TDRKH: variants seen among roughly 807,000 people sequenced by gnomAD.
TDRKH encodes tudor and KH domain-containing protein.
Under a neutral mutation model 61.3 loss-of-function variants are expected in TDRKH, and 28 were observed. The ratio of observed to expected loss-of-function variants is 0.46; its 90% CI spans 0.34 to 0.63. TDRKH has a LOEUF of 0.63. Among genes scored for constraint, TDRKH ranks in the 20% least tolerant of loss-of-function variants. The pLI, the probability that TDRKH is intolerant of heterozygous loss-of-function variation, is 0.01. For synonymous variants in TDRKH, 219 were observed against 244.4 expected, an observed-to-expected ratio of 0.90 and a Z score of 0.97; for missense variants, 540 against 683.4, an observed-to-expected ratio of 0.79 and a Z score of 2.34.
At chr1:151,773,049 T>C (rs139498529), downstream of TDRKH, among the ~76,000 whole-genome samples, 926 of 149,426 alleles carry the variant, frequency 6.2e-3, 8 homozygotes, top group African/African-American at 0.022. Context: ...TTTTGTATTT[T>C]TGTATTTTTT....
At position 151,774,492 on chromosome 1, in the gene TDRKH, A is replaced by G. The variant is rs773024532; in HGVS notation, c.1646T>C (p.Met549Thr). ...ATCTTCAAGGTTATCATCACCAGAC[A>G]TGGAAGCAGCTTCTATTGAAGATAA... Reference protein sequence around the residue: ...SCLSLSEAASMSGDDNLEDDY... With the variant: ...SCLSLSEAASTSGDDNLEDDY... Residue 549 changes from methionine to threonine, a missense_variant, in exon 13 of 13, where the codon ATG becomes ACG. Coordinates refer to ENST00000368824, the MANE Select transcript of TDRKH (RefSeq NM_001083965.2). 1 of 1,614,178 alleles carries G rather than the reference A, an allele frequency of 6.2e-7. No homozygotes were observed. The highest frequency in any genetic ancestry group is 8.5e-7 in the Non-Finnish European group (1 of 1,180,024).
chr1:151,767,479 T>C (rs1003136332), downstream of TDRKH: 9 of 1,275,352 alleles, frequency 7.1e-6, no homozygotes, highest in Admixed American at 1.6e-4. Flanking sequence ...AAAATCAAGG[T>C]CATACAGATG....
downstream of TDRKH, chr1:151,768,202 T>C (rs1475329785): frequency 6.2e-7 from 1 of 1,613,488 alleles, no homozygotes. Flanking sequence ...GGATATCCCA[T>C]ATCAGGCCTT....
Position 151,776,105 on chromosome 1 carries a change from C to G in TDRKH, c.1208G>C (p.Arg403Thr), listed in dbSNP as rs766579094. ...DNGDCPLKDL[R>T]ALRSDFLSLP... ...TGACCTCAGCACTGACCTGAGAGCC[C>G]TGAGGTCCTTCAGTGGGCAATCTCC... The change falls in exon 8 of 13, where the codon AGG becomes ACG. Residue 403 changes from arginine (R) to threonine (T), a missense_variant. Around this residue, in one of 3 missense-constraint regions of TDRKH, gnomAD observed 379 missense variants for 443.8 expected, o/e 0.85. Coordinates refer to ENST00000368824, the MANE Select transcript of TDRKH (RefSeq NM_001083965.2). 1 of 1,613,222 alleles carries G rather than the reference C, an allele frequency of 6.2e-7. No homozygotes were observed. The highest frequency in any genetic ancestry group is 1.1e-5 in the South Asian group (1 of 90,966).
At position 151,775,417 on chromosome 1, in the gene TDRKH, T is replaced by C; in HGVS notation, c.1409A>G (p.Tyr470Cys). The C allele has an allele frequency of 1.2e-6, 2 of 1,613,778 alleles. No homozygotes were observed. Among genetic ancestry groups the C allele is most frequent in the African/African-American group, 1.3e-5 (1 of 75,016 alleles). The change falls in exon 10 of 13, where the codon TAC becomes TGC. Residue 470 changes from tyrosine (Y) to cysteine (C), a missense_variant. By Grantham distance (194) the Tyr-to-Cys change is radical. Coordinates refer to ENST00000368824, the MANE Select transcript of TDRKH (RefSeq NM_001083965.2). ...QTGISTWPKI[Y>C]LYDTSNGKKL... ...CTTCCCATTGCTAGTATCATATAAG[T>C]AGATCTTTGGCCAAGTTGAGATCCC...
chr1:151,787,359 C>T (rs1402606019), intron 1 of TDRKH, among the ~76,000 whole-genome samples: 1 of 152,150 alleles, frequency 6.6e-6, no homozygotes, highest in Non-Finnish European at 1.5e-5. Flanking sequence ...GCTGGGACGA[C>T]AGGCACCTGC....
At chr1:151,771,255 C>T (rs1266606844), downstream of TDRKH, 1 of 1,603,900 alleles carries the variant, frequency 6.2e-7, no homozygotes, top group Non-Finnish European at 8.5e-7. Flanking sequence ...GGCTGGAAGC[C>T]TTGACACATG....
At chr1:151,785,138 C>T (rs1650197580) in intron 1 of TDRKH, among the ~76,000 whole-genome samples, 1 of 151,938 alleles carries the variant, frequency 6.6e-6, no homozygotes, top group Non-Finnish European at 1.5e-5. Context: ...CACCATGTTG[C>T]CCAGGCTGGT....
intron 1 of TDRKH, 28 bp downstream of exon 1, chr1:151,790,352 A>T (rs1650803301): frequency 6.6e-6 from 1 of 152,252 alleles, no homozygotes; most frequent in Non-Finnish European, 1.5e-5. Context: ...AGGGCTGCCC[A>T]TGACCCTGTC....
downstream of TDRKH, chr1:151,766,813 C>G: frequency 6.2e-7 from 1 of 1,607,090 alleles, no homozygotes; most frequent in South Asian, 1.1e-5. Flanking sequence ...ATCTGGTCAC[C>G]ATACGCCTAT....
At chr1:151,781,326 A>ATATATATAT (rs1553282714) in intron 3 of TDRKH, among the ~76,000 whole-genome samples, 155 bp downstream of exon 3, 4 of 22,302 alleles carry the variant, frequency 1.8e-4, no homozygotes, top group African/African-American at 2.1e-4. Flanking sequence ...TCAAAAAAAA[A>ATATATATAT]AAATATATAT....
intron 1 of TDRKH, among the ~76,000 whole-genome samples, chr1:151,788,658 C>T (rs1310185818): frequency 1.3e-5 from 2 of 152,180 alleles, no homozygotes; most frequent in Non-Finnish European, 2.9e-5. Context: ...TAAGATCACA[C>T]AGCTCATTAG....
At chr1:151,779,887 A>G in intron 4 of TDRKH, 64 bp downstream of exon 4, 3 of 1,494,244 alleles carry the variant, frequency 2.0e-6, no homozygotes, top group Non-Finnish European at 2.7e-6. Context: ...AACCCTGGGA[A>G]GGTGTGAAAG....
chr1:151,775,560 G>C lies in TDRKH; in HGVS notation c.1283-17C>G. The C allele has an allele frequency of 6.2e-7, 1 of 1,610,492 alleles. No individual in the cohort carries two copies. The highest frequency in any genetic ancestry group is 8.5e-7 in the Non-Finnish European group (1 of 1,178,480). Reference sequence around the variant, plus strand: ...ACTGGTCACCTGGCAAAAGATTGTAGGGGTTACTGCTGATAGGGGTGGGGC... The same window carrying C: ...ACTGGTCACCTGGCAAAAGATTGTACGGGTTACTGCTGATAGGGGTGGGGC... On this transcript the variant is annotated splice_polypyrimidine_tract_variant and intron_variant, in intron 9 of 12. Transcript: ENST00000368824.
chr1:151,771,377 G>A (rs1259480786), downstream of TDRKH: 1 of 1,422,082 alleles, frequency 7.0e-7, no homozygotes, highest in Non-Finnish European at 9.2e-7. Context: ...GGGTTGACTG[G>A]AGTGGGATAT....
At chr1:151,787,056 C>T (rs780889290) in intron 1 of TDRKH, among the ~76,000 whole-genome samples, 4 of 152,010 alleles carry the variant, frequency 2.6e-5, no homozygotes, top group Non-Finnish European at 4.4e-5. Flanking sequence ...ATATAAGCAT[C>T]GTTGTATATA....
downstream of TDRKH, chr1:151,767,950 AT>A (rs538154972): frequency 5.6e-4 from 793 of 1,405,082 alleles, 13 homozygotes; most frequent in East Asian, 0.019. Flanking sequence ...CTTGGCTCCA[AT>A]TCTCCCAGGC....
At chr1:151,771,978 A>G (rs1648730832), downstream of TDRKH, 2 of 398,618 alleles carry the variant, frequency 5.0e-6, no homozygotes, top group Non-Finnish European at 8.8e-6. Flanking sequence ...AGTTCATTGC[A>G]GGCAACATCT....
rs1274202345 is a variant in TDRKH, at chr1:151,774,811, G to A, written c.1537-5C>T. 1.2e-6 allele frequency: 2 copies of A among 1,613,926 alleles called. No homozygotes were observed. The highest frequency in any genetic ancestry group is 1.3e-5 in the African/African-American group (1 of 74,914). Reference sequence around the variant, plus strand: ...AGAGGCATCTGTTTCTGTGGCCTGAGTGGATGAAAACAGGAAAAAAGGAGG... The same window carrying A: ...AGAGGCATCTGTTTCTGTGGCCTGAATGGATGAAAACAGGAAAAAAGGAGG... On this transcript the variant is annotated splice_polypyrimidine_tract_variant and splice_region_variant and intron_variant, in intron 11 of 12. Transcript: ENST00000368824.
Sources: gnomAD v4.1 joint callset for allele counts (sites outside exome capture counted in the v4.1 genomes callset) on GRCh38, gnomAD v4.1.1 for gene constraint, gnomAD v4.1.1 regional missense constraint, MANE v1.5 for transcripts, NCBI Gene and HGNC (gene_info 2026-07-23, HGNC 2026-07-21) for gene names.